The following SIRT4 variants were observed in gnomAD, a reference collection of about 807,000 sequenced individuals.
SIRT4 encodes the protein sirtuin 4.
A neutral mutation model predicts 26.1 loss-of-function variants in SIRT4; 23 were observed. The observed-to-expected ratio is 0.88, with a 90% CI of 0.63 to 1.25. The LOEUF is 1.25. Among genes scored for constraint, SIRT4 ranks in the 50% most tolerant of loss-of-function variants. SIRT4 has a pLI of 0.00. For missense variants in SIRT4, 361 were observed against 405.4 expected, an observed-to-expected ratio of 0.89 and a Z score of 0.94; for synonymous variants, 155 against 158.4, an observed-to-expected ratio of 0.98 and a Z score of 0.16.
At position 120,303,815 on chromosome 12, in the gene SIRT4, C is replaced by A. The variant is rs1251196607; in HGVS notation, c.254C>A (p.Thr85Asn). 4 of 1,614,048 alleles carry A rather than the reference C, an allele frequency of 2.5e-6. No individual in the cohort carries two copies. The highest frequency in any genetic ancestry group is 1.3e-5 in the African/African-American group (1 of 74,938). Residue 85 changes from threonine (T) to asparagine (N), a missense_variant, in exon 2 of 4, where the codon ACT becomes AAT. Coordinates refer to ENST00000202967, the MANE Select transcript of SIRT4 (RefSeq NM_012240.3). ...RSEKVGLYAR[T>N]DRRPIQHGDF... ...GAAAAAGTGGGGCTTTATGCCCGCA[C>A]TGACCGCAGGCCCATCCAGCATGGT...
At chr12:120,306,349 C>A (rs139809010) in intron 2 of SIRT4, among the ~76,000 whole-genome samples, 1,801 of 151,872 alleles carry the variant, frequency 0.012, 27 homozygotes, top group Middle Eastern at 0.02. Flanking sequence ...GTGGTGCATG[C>A]CTGTAATCCT....
At chr12:120,311,467 C>T (rs111629046) in intron 2 of SIRT4, among the ~76,000 whole-genome samples, 47 of 152,052 alleles carry the variant, frequency 3.1e-4, no homozygotes, top group African/African-American at 1.1e-3. Context: ...TGCAGTGGCT[C>T]ACACCTGTAA....
At chr12:120,312,787 G>A (rs1873044189) in intron 3 of SIRT4, 37 bp downstream of exon 3, 1 of 1,606,242 alleles carries the variant, frequency 6.2e-7, no homozygotes, top group East Asian at 2.2e-5. Flanking sequence ...CACCCCTTGT[G>A]CGGGATTGGG....
chr12:120,301,515 C>T (rs1174522014), upstream of SIRT4, among the ~76,000 whole-genome samples: 1 of 152,118 alleles, frequency 6.6e-6, no homozygotes, highest in Non-Finnish European at 1.5e-5. Flanking sequence ...TGAGTCAAAT[C>T]TAGGCCGGGA....
chr12:120,302,569 C>A (rs751125740), intron 1 of SIRT4, among the ~76,000 whole-genome samples, 191 bp downstream of exon 1: 3 of 152,006 alleles, frequency 2.0e-5, no homozygotes, highest in Non-Finnish European at 2.9e-5. Context: ...CAGCTGTTCA[C>A]GTTTTGCTGT....
At chr12:120,291,828 G>A in the SIRT4 span, 1 of 152,108 alleles carries the variant, frequency 6.6e-6, no homozygotes, top group Admixed American at 6.6e-5. Flanking sequence ...GCGGGGTATT[G>A]GGAAAAGTTT....
At chr12:120,296,081 C>T in the SIRT4 span, among the ~76,000 whole-genome samples, 48 of 66,472 alleles carry the variant, frequency 7.2e-4, no homozygotes, top group Admixed American at 2.1e-3. Flanking sequence ...AGCGAGACTC[C>T]GTCTCAAAAA....
the SIRT4 span, among the ~76,000 whole-genome samples, chr12:120,296,794 G>A: frequency 6.6e-6 from 1 of 151,910 alleles, no homozygotes; most frequent in African/African-American, 2.4e-5. Context: ...ACAGGCATGA[G>A]CCACTGCAGC....
chr12:120,303,081 A>G (rs1872605571), intron 1 of SIRT4, among the ~76,000 whole-genome samples: 1 of 152,040 alleles, frequency 6.6e-6, no homozygotes, highest in Non-Finnish European at 1.5e-5. Flanking sequence ...TGATGTGTCC[A>G]AGTAGCAGAG....
the SIRT4 span, among the ~76,000 whole-genome samples, chr12:120,293,396 C>T: frequency 1.8e-4 from 28 of 152,242 alleles, no homozygotes; most frequent in Non-Finnish European, 2.2e-4. Context: ...TTCTGCATAT[C>T]GTTGCTGATT....
chr12:120,306,992 C>T (rs1320066456), intron 2 of SIRT4, among the ~76,000 whole-genome samples: 1 of 152,100 alleles, frequency 6.6e-6, no homozygotes, highest in African/African-American at 2.4e-5. Flanking sequence ...GGAACAGATA[C>T]ATGGGAGGGT....
chr12:120,311,780 C>T lies in SIRT4; in HGVS notation c.498-676C>T, dbSNP rs369546187. ...AAAAAAAAAAGAGGTGAGAAGAGAACCAGGAGACACTGTGTCCTGGAAACC... is the reference window on the plus strand; with the variant it reads ...AAAAAAAAAAGAGGTGAGAAGAGAATCAGGAGACACTGTGTCCTGGAAACC... On this transcript the variant is annotated intron_variant, in intron 2 of 3. Coordinates refer to ENST00000202967, the MANE Select transcript of SIRT4 (RefSeq NM_012240.3). 2.0e-3 allele frequency among the ~76,000 whole-genome samples: 290 copies of T among 142,158 alleles called. 1 individual carries two copies. The highest frequency in any genetic ancestry group is 3.3e-3 in the Non-Finnish European group (219 of 66,278). 93.3% of individuals were successfully genotyped at this position (142,158 alleles called of 152,430 possible).
intron 2 of SIRT4, among the ~76,000 whole-genome samples, chr12:120,304,667 G>C (rs965926484): frequency 2.0e-5 from 3 of 150,720 alleles, no homozygotes; most frequent in Non-Finnish European, 4.4e-5. Flanking sequence ...AAAAAGTTGA[G>C]GATGGTGCAC....
chr12:120,297,180 G>A, the SIRT4 span, among the ~76,000 whole-genome samples: 3 of 151,890 alleles, frequency 2.0e-5, no homozygotes, highest in Admixed American at 6.6e-5. Context: ...CCTAGATTGC[G>A]CCACTGCACT....
rs148262303 is a variant in SIRT4 at position 120,312,509 on chromosome 12, G to A, written c.551G>A (p.Arg184His). ...EQTPRGVLQE[R>H]FQVLNPTWSA... Reference sequence around the variant, plus strand: ...ACTCCCCGGGGGGTGCTGCAAGAGCGTTTCCAAGTCCTGAACCCCACCTGG... The same window carrying A: ...ACTCCCCGGGGGGTGCTGCAAGAGCATTTCCAAGTCCTGAACCCCACCTGG... The change falls in exon 3 of 4, where the codon CGT becomes CAT. Residue 184 changes from arginine (R) to histidine (H), a missense_variant. Coordinates refer to ENST00000202967, the MANE Select transcript of SIRT4 (RefSeq NM_012240.3). 7.4e-5 allele frequency: 120 copies of A among 1,614,078 alleles called. 1 individual carries two copies. The highest frequency in any genetic ancestry group is 2.7e-4 in the South Asian group (25 of 91,082).
chr12:120,305,171 A>AC (rs1872704156), intron 2 of SIRT4, among the ~76,000 whole-genome samples: 1 of 151,618 alleles, frequency 6.6e-6, no homozygotes, highest in Non-Finnish European at 1.5e-5. Flanking sequence ...CGTCTCAAAA[A>AC]GAAAAAAAAA....
At chr12:120,291,914 T>A in the SIRT4 span, 5 of 151,610 alleles carry the variant, frequency 3.3e-5, no homozygotes, top group Admixed American at 6.6e-5. Flanking sequence ...GGAAAGGTTC[T>A]GTTCGCGCCC....
At chr12:120,292,024 G>T in the SIRT4 span, 1 of 152,306 alleles carries the variant, frequency 6.6e-6, no homozygotes, top group East Asian at 1.9e-4. Flanking sequence ...CGTATTTAAG[G>T]CCCATCTGCA....
chr12:120,302,869 G>A (rs1374703377), intron 1 of SIRT4, among the ~76,000 whole-genome samples: 5 of 151,536 alleles, frequency 3.3e-5, no homozygotes, highest in Admixed American at 1.3e-4. Flanking sequence ...ACGGGCACGT[G>A]CCACAATGCC....
Sources: allele counts gnomAD v4.1 joint callset (sites outside exome capture counted in the v4.1 genomes callset), GRCh38; gene constraint gnomAD v4.1.1; transcripts MANE v1.5; gene names NCBI Gene and HGNC (gene_info 2026-07-23, HGNC 2026-07-21).